LRATD2: variants seen among roughly 807,000 people sequenced by gnomAD.
LRATD2 encodes the protein LRAT domain containing 2, also known as protein LRATD2.
In LRATD2, 10 loss-of-function variants were observed where a neutral mutation model predicts 12.0. The ratio of observed to expected loss-of-function variants is 0.83; its 90% CI spans 0.51 to 1.41. The LOEUF is 1.41. LRATD2 is among the 40% of genes most tolerant of loss of function. The probability of loss-of-function intolerance (pLI) is 0.00; values close to 1 mark genes in which losing one functional copy is unlikely to be tolerated. For missense variants in LRATD2, 455 were observed against 446.1 expected, an observed-to-expected ratio of 1.02 and a Z score of -0.18; for synonymous variants, 220 against 205.8, an observed-to-expected ratio of 1.07 and a Z score of -0.59.
At position 126,557,295 on chromosome 8, in the gene LRATD2, A is replaced by G. The variant is rs771215923; in HGVS notation, c.95T>C (p.Ile32Thr). Reference protein sequence around the residue: ...TGVDRDDGPRIGVSYIFSNDD... With the variant: ...TGVDRDDGPRTGVSYIFSNDD... ...ATTGGAGAAAATGTAGGAGACCCCA[A>G]TGCGGGGCCCGTCGTCCCGGTCCAC... Residue 32 changes from isoleucine to threonine, a missense_variant, in exon 2 of 2, where the codon ATT (isoleucine) becomes ACT (threonine). Physicochemically the swap from Ile to Thr is moderately conservative, Grantham distance 89 (BLOSUM62 -1). Coordinates refer to ENST00000304916, the MANE Select transcript of LRATD2 (RefSeq NM_174911.5). The surrounding 1 kb of genome is among the most constrained non-coding windows in gnomAD (Gnocchi z 5.3). 12 of 1,613,414 alleles carry G rather than the reference A, an allele frequency of 7.4e-6. No individual in the cohort carries two copies. Among genetic ancestry groups the G allele is most frequent in the South Asian group, 1.1e-5 (1 of 91,062 alleles).
rs1817329748 is a variant in LRATD2 at position 126,553,832 on chromosome 8, T to C, written c.*2625A>G. On this transcript the variant is annotated 3_prime_UTR_variant, in exon 2 of 2. Coordinates refer to ENST00000304916, the MANE Select transcript of LRATD2 (RefSeq NM_174911.5). The stretch of plus-strand genomic sequence containing the variant: ...TCTAGTTCATTTCCAAGCCCTGTTA[T>C]TGAAAACCTCTTCTCTAGAAGAGAG... 6.6e-6 allele frequency: 1 copy of C among 152,256 alleles called. No homozygotes were observed. The highest frequency in any genetic ancestry group is 2.4e-5 in the African/African-American group (1 of 41,474). The allele number at this position is 152,256 out of a possible 1,614,324, so 9.4% of individuals were successfully genotyped here.
In LRATD2 at chr8:126,553,466, C is replaced by T. The variant is rs894252999; in HGVS notation, c.*2991G>A. 14 of 152,578 alleles carry T rather than the reference C, an allele frequency of 9.2e-5. No homozygotes were observed. Among genetic ancestry groups the T allele is most frequent in the African/African-American group, 2.7e-4 (11 of 41,426 alleles). The allele number at this position is 152,578 out of a possible 1,614,324, so 9.5% of individuals were successfully genotyped here. ...ATATTTCTTTCCTTCAAAGAGCATC[C>T]GTAATTCACAGTACAAAACAGTTCT... is the stretch of plus-strand genomic sequence containing the variant. On this transcript the variant is annotated 3_prime_UTR_variant, in exon 2 of 2. Coordinates refer to ENST00000304916, the MANE Select transcript of LRATD2 (RefSeq NM_174911.5).
chr8:126,556,346 T>A lies in LRATD2; in HGVS notation c.*111A>T. ...AACTCTTTTCCAAAGGGCCCAGGAA[T>A]CCCAGATGGGGCCCAGACAGTGGCA... On this transcript the variant is annotated 3_prime_UTR_variant, in exon 2 of 2. Coordinates refer to ENST00000304916, the MANE Select transcript of LRATD2 (RefSeq NM_174911.5). This position sits in a 1 kb window ranked among gnomAD's most constrained non-coding sequence, Gnocchi z 5.6. 1 of 1,277,228 alleles carries A rather than the reference T, an allele frequency of 7.8e-7. No homozygotes were observed. The highest frequency in any genetic ancestry group is 1.0e-6 in the Non-Finnish European group (1 of 957,934). The allele number at this position is 1,277,228 out of a possible 1,614,324, so 79.1% of individuals were successfully genotyped here. A position where few individuals can be genotyped will look rare whatever the true frequency, so the allele number is the denominator to read the frequency against.
rs1263403197 is a variant in LRATD2, at chr8:126,558,444, C to A, written c.-507G>T. On this transcript the variant is annotated 5_prime_UTR_variant, in exon 1 of 2. Transcript: ENST00000304916. ...GTAGATCCGGCTCCGGGCTCCCGGG[C>A]GGGAGCGCAGCCCGTGGCATTTAAA... 1 of 152,098 alleles carries A rather than the reference C, an allele frequency of 6.6e-6. No individual in the cohort carries two copies. Among genetic ancestry groups the A allele is most frequent in the Non-Finnish European group, 1.5e-5 (1 of 68,008 alleles). 9.4% of individuals were successfully genotyped at this position (152,098 alleles called of 1,614,324 possible).
Position 126,556,923 on chromosome 8 carries a change from G to A in LRATD2, c.467C>T (p.Thr156Ile), listed in dbSNP as rs771050783. The change falls in exon 2 of 2, where the codon ACT becomes ATT. Residue 156 changes from threonine (T) to isoleucine (I), a missense_variant. Transcript: ENST00000304916. The surrounding 1 kb of genome is among the most constrained non-coding windows in gnomAD (Gnocchi z 5.6). ...GCCGCGACGGCCCTGGCTGGCGTCA[G>A]TCAGGAAGCTGTTAATCACCTCCAG... ...HRLEVINSFL[T>I]DASQGRRGRV... The A allele has an allele frequency of 6.2e-7, 1 of 1,610,094 alleles. No homozygotes were observed.
Position 126,556,506 on chromosome 8 carries a change from G to C in LRATD2, c.884C>G (p.Pro295Arg), listed in dbSNP as rs765132100. The change falls in exon 2 of 2, where the codon CCC (proline) becomes CGC (arginine). Residue 295 changes from proline to arginine, a missense_variant. Pro to Arg is a moderately radical substitution (Grantham distance 103, BLOSUM62 -2). Transcript: ENST00000304916. This position sits in a 1 kb window ranked among gnomAD's most constrained non-coding sequence, Gnocchi z 5.6. ...VARTTPPPGRPPAPSSEEEDG... is the reference protein window; with the variant it reads ...VARTTPPPGRRPAPSSEEEDG... ...CTCCTCCTCGGAGCTGGGCGCAGGG[G>C]GGCGCCCGGGAGGCGGCGTAGTCCG... 6.3e-6 allele frequency: 10 copies of C among 1,593,120 alleles called. No individual in the cohort carries two copies. Among genetic ancestry groups the C allele is most frequent in the Non-Finnish European group, 8.5e-6 (10 of 1,171,302 alleles).
In LRATD2 at chr8:126,557,056, G is replaced by A. The variant is rs1359241740; in HGVS notation, c.334C>T (p.Leu112=). 1.2e-6 allele frequency: 2 copies of A among 1,608,334 alleles called. No homozygotes were observed. The highest frequency in any genetic ancestry group is 1.3e-5 in the African/African-American group (1 of 75,064). Residue 112 remains leucine, a synonymous_variant, in exon 2 of 2, where the codon CTG becomes TTG. Transcript: ENST00000304916. This position sits in a 1 kb window ranked among gnomAD's most constrained non-coding sequence, Gnocchi z 5.3. ...TCGCCCGGCTTGCACTTGTTGAGCA[G>A]GTTCTCGGGCGTGTAGGTACTCAGC... The part of the protein sequence containing the change: ...AALSTYTPEN[L]LNKCKPGDLV...
rs770726841 is a variant in LRATD2 at position 126,556,551 on chromosome 8, T to G, written c.839A>C (p.Glu280Ala). Residue 280 changes from glutamate to alanine, a missense_variant, in exon 2 of 2, where the codon GAG (glutamate) becomes GCG (alanine). Physicochemically the swap from Glu to Ala is moderately radical, Grantham distance 107. Transcript: ENST00000304916. This position sits in a 1 kb window ranked among gnomAD's most constrained non-coding sequence, Gnocchi z 5.6. ...ATHLHPAEPE[E>A]GDSNVARTTP... ...AGTCCGCGCCACGTTGCTGTCGCCCTCCTCCGGCTCCGCCGGGTGCAGGTG... is the reference window on the plus strand; with the variant it reads ...AGTCCGCGCCACGTTGCTGTCGCCCGCCTCCGGCTCCGCCGGGTGCAGGTG... 6.9e-6 allele frequency: 11 copies of G among 1,605,630 alleles called. No homozygotes were observed. In the South Asian group the frequency reaches 1.2e-4, roughly 18 times the overall value.
In LRATD2 at chr8:126,554,080, A is replaced by T. The variant is rs981505114; in HGVS notation, c.*2377T>A. 5.2e-5 allele frequency: 8 copies of T among 152,400 alleles called. No individual in the cohort carries two copies. Among genetic ancestry groups the T allele is most frequent in the African/African-American group, 1.9e-4 (8 of 41,432 alleles). 9.4% of individuals were successfully genotyped at this position (152,400 alleles called of 1,614,324 possible). ...GAGTGCAGTGGTGCGATCTCGGCTCACTGCAACCTCTGCTTCCCAGCTTCA... is the reference window on the plus strand; with the variant it reads ...GAGTGCAGTGGTGCGATCTCGGCTCTCTGCAACCTCTGCTTCCCAGCTTCA... On this transcript the variant is annotated 3_prime_UTR_variant, in exon 2 of 2. Transcript: ENST00000304916.
Position 126,556,309 on chromosome 8 carries a change from G to A in LRATD2, c.*148C>T. The A allele has an allele frequency of 1.1e-6, 1 of 926,740 alleles. No individual in the cohort carries two copies. The highest frequency in any genetic ancestry group is 2.0e-5 in the South Asian group (1 of 49,906). The allele number at this position is 926,740 out of a possible 1,614,324, so 57.4% of individuals were successfully genotyped here. Reference sequence around the variant, plus strand: ...CCTCCTCCCCCGTCCACAGCCGGCTGCGCATTTCACCAACTCTTTTCCAAA... The same window carrying A: ...CCTCCTCCCCCGTCCACAGCCGGCTACGCATTTCACCAACTCTTTTCCAAA... On this transcript the variant is annotated 3_prime_UTR_variant, in exon 2 of 2. Coordinates refer to ENST00000304916, the MANE Select transcript of LRATD2 (RefSeq NM_174911.5). This position sits in a 1 kb window ranked among gnomAD's most constrained non-coding sequence, Gnocchi z 5.6.
In LRATD2 at chr8:126,556,803, A is replaced by G; in HGVS notation, c.587T>C (p.Leu196Pro). ...GAAACTCTCCGAGTTGCGCCAGCTC[A>G]GCTCGCGCTCCTTGGCACCCACGTG... is the stretch of plus-strand genomic sequence containing the variant. ...LAHVGAKERE[L>P]SWRNSESFAA... The change falls in exon 2 of 2, where the codon CTG (leucine) becomes CCG (proline). Residue 196 changes from leucine to proline, a missense_variant. Transcript: ENST00000304916. This position sits in a 1 kb window ranked among gnomAD's most constrained non-coding sequence, Gnocchi z 5.6. The G allele has an allele frequency of 6.3e-7, 1 of 1,599,516 alleles. No homozygotes were observed. Among genetic ancestry groups the G allele is most frequent in the Non-Finnish European group, 8.5e-7 (1 of 1,176,072 alleles).
In LRATD2 at chr8:126,556,773, G is replaced by A; in HGVS notation, c.617C>T (p.Ala206Val). 6.3e-7 allele frequency: 1 copy of A among 1,597,348 alleles called. No individual in the cohort carries two copies. The highest frequency in any genetic ancestry group is 8.5e-7 in the Non-Finnish European group (1 of 1,173,158). Residue 206 changes from alanine (A) to valine (V), a missense_variant, in exon 2 of 2, where the codon GCC becomes GTC. Transcript: ENST00000304916. The surrounding 1 kb of genome is among the most constrained non-coding windows in gnomAD (Gnocchi z 5.6). Reference sequence around the variant, plus strand: ...CTCGCGCTTGCCGTAGCGGCACCAGGCGGCGAAACTCTCCGAGTTGCGCCA... The same window carrying A: ...CTCGCGCTTGCCGTAGCGGCACCAGACGGCGAAACTCTCCGAGTTGCGCCA... ...LSWRNSESFA[A>V]WCRYGKREFK... is the part of the protein sequence containing the mutation.
chr8:126,557,308 C>T lies in LRATD2; in HGVS notation c.82G>A (p.Asp28Asn). 1 of 1,613,832 alleles carries T rather than the reference C, an allele frequency of 6.2e-7. No individual in the cohort carries two copies. The highest frequency in any genetic ancestry group is 8.5e-7 in the Non-Finnish European group (1 of 1,180,002). Residue 28 changes from aspartate (D) to asparagine (N), a missense_variant, in exon 2 of 2, where the codon GAC becomes AAC. Asp to Asn is a conservative substitution (Grantham distance 23). Transcript: ENST00000304916. This position sits in a 1 kb window ranked among gnomAD's most constrained non-coding sequence, Gnocchi z 5.3. ...TADPTGVDRD[D>N]GPRIGVSYIF... ...TAGGAGACCCCAATGCGGGGCCCGTCGTCCCGGTCCACGCCAGTCGGGTCG... is the reference window on the plus strand; with the variant it reads ...TAGGAGACCCCAATGCGGGGCCCGTTGTCCCGGTCCACGCCAGTCGGGTCG...
chr8:126,554,630 C>G lies in LRATD2; in HGVS notation c.*1827G>C, dbSNP rs1817347579. ...TTCATGTTGAGGTGCTACAAAGGTC[C>G]AAGCTTTTAAAGACTATGGCCTCAA... On this transcript the variant is annotated 3_prime_UTR_variant, in exon 2 of 2. Coordinates refer to ENST00000304916, the MANE Select transcript of LRATD2 (RefSeq NM_174911.5). 6.6e-6 allele frequency: 1 copy of G among 152,126 alleles called. No homozygotes were observed. The highest frequency in any genetic ancestry group is 2.4e-5 in the African/African-American group (1 of 41,428). The allele number at this position is 152,126 out of a possible 1,614,324, so 9.4% of individuals were successfully genotyped here.
Position 126,556,627 on chromosome 8 carries a change from G to T in LRATD2, c.763C>A (p.Arg255=), listed in dbSNP as rs1271993731. The change falls in exon 2 of 2, where the codon CGA becomes AGA. Residue 255 remains arginine, a synonymous_variant. Coordinates refer to ENST00000304916, the MANE Select transcript of LRATD2 (RefSeq NM_174911.5). The surrounding 1 kb of genome is among the most constrained non-coding windows in gnomAD (Gnocchi z 5.6). ...QSLEDLIMEK[R]RNDQIGRAAV... is the part of the protein sequence containing the mutation. The stretch of plus-strand genomic sequence containing the variant: ...GCGCGCCCGATCTGGTCGTTGCGTC[G>T]CTTCTCCATGATCAGGTCCTCTAGA... 1.2e-6 allele frequency: 2 copies of T among 1,611,078 alleles called. No homozygotes were observed. Among genetic ancestry groups the T allele is most frequent in the South Asian group, 1.1e-5 (1 of 90,966 alleles).
In LRATD2 at chr8:126,557,605, G is replaced by A. The variant is rs1817448994; in HGVS notation, c.-96-120C>T. 1 of 584,204 alleles carries A rather than the reference G, an allele frequency of 1.7e-6. No individual in the cohort carries two copies. Among genetic ancestry groups the A allele is most frequent in the Non-Finnish European group, 3.0e-6 (1 of 334,692 alleles). The allele number at this position is 584,204 out of a possible 1,614,324, so 36.2% of individuals were successfully genotyped here. Reference sequence around the variant, plus strand: ...GAGCCATTTTAGGGGGAAGTCTCGGGTGTAGCGAGCTTTCCCTCGTTTCTC... The same window carrying A: ...GAGCCATTTTAGGGGGAAGTCTCGGATGTAGCGAGCTTTCCCTCGTTTCTC... On this transcript the variant is annotated intron_variant, in intron 1 of 1. Transcript: ENST00000304916. This position sits in a 1 kb window ranked among gnomAD's most constrained non-coding sequence, Gnocchi z 5.3.
At position 126,556,343 on chromosome 8, in the gene LRATD2, G is replaced by C. The variant is rs1563639216; in HGVS notation, c.*114C>G. 4.8e-6 allele frequency: 6 copies of C among 1,249,474 alleles called. No homozygotes were observed. Among genetic ancestry groups the C allele is most frequent in the Non-Finnish European group, 6.4e-6 (6 of 933,540 alleles). The allele number at this position is 1,249,474 out of a possible 1,614,324, so 77.4% of individuals were successfully genotyped here. A position where few individuals can be genotyped will look rare whatever the true frequency, so the allele number is the denominator to read the frequency against. On this transcript the variant is annotated 3_prime_UTR_variant, in exon 2 of 2. Coordinates refer to ENST00000304916, the MANE Select transcript of LRATD2 (RefSeq NM_174911.5). This position sits in a 1 kb window ranked among gnomAD's most constrained non-coding sequence, Gnocchi z 5.6. ...ACCAACTCTTTTCCAAAGGGCCCAG[G>C]AATCCCAGATGGGGCCCAGACAGTG...
In LRATD2 at chr8:126,556,217, G is replaced by T; in HGVS notation, c.*240C>A. On this transcript the variant is annotated 3_prime_UTR_variant, in exon 2 of 2. Transcript: ENST00000304916. This position sits in a 1 kb window ranked among gnomAD's most constrained non-coding sequence, Gnocchi z 5.6. Reference sequence around the variant, plus strand: ...TCCACCGCGGAGAGGAAGACAGACAGGGGGCCAGAGGGAGACGCCCCCCAC... The same window carrying T: ...TCCACCGCGGAGAGGAAGACAGACATGGGGCCAGAGGGAGACGCCCCCCAC... The T allele has an allele frequency of 2.0e-6, 1 of 511,436 alleles. No homozygotes were observed. Among genetic ancestry groups the T allele is most frequent in the Non-Finnish European group, 3.4e-6 (1 of 297,024 alleles). The allele number at this position is 511,436 out of a possible 1,614,324, so 31.7% of individuals were successfully genotyped here. A position where few individuals can be genotyped will look rare whatever the true frequency, so the allele number is the denominator to read the frequency against.
In LRATD2 at chr8:126,553,472, T is replaced by A. The variant is rs1195073995; in HGVS notation, c.*2985A>T. 1 of 152,624 alleles carries A rather than the reference T, an allele frequency of 6.6e-6. No homozygotes were observed. Among genetic ancestry groups the A allele is most frequent in the Non-Finnish European group, 1.5e-5 (1 of 68,038 alleles). The allele number at this position is 152,624 out of a possible 1,614,324, so 9.5% of individuals were successfully genotyped here. On this transcript the variant is annotated 3_prime_UTR_variant, in exon 2 of 2. Coordinates refer to ENST00000304916, the MANE Select transcript of LRATD2 (RefSeq NM_174911.5). Reference sequence around the variant, plus strand: ...CTTTCCTTCAAAGAGCATCCGTAATTCACAGTACAAAACAGTTCTACAGTC... The same window carrying A: ...CTTTCCTTCAAAGAGCATCCGTAATACACAGTACAAAACAGTTCTACAGTC...
Sources: gnomAD v4.1 joint callset for allele counts on GRCh38, gnomAD v4.1.1 for gene constraint, Gnocchi (gnomAD v3.1) non-coding constraint, MANE v1.5 for transcripts, NCBI Gene and HGNC (gene_info 2026-07-23, HGNC 2026-07-21) for gene names.